ATP2C1: variants seen among roughly 807,000 people sequenced by gnomAD.
ATP2C1 encodes ATPase secretory pathway Ca2+ transporting 1, also known as calcium-transporting ATPase type 2C member 1.
In ATP2C1, 31 loss-of-function variants were observed where a neutral mutation model predicts 120.5. That is an observed-to-expected ratio of 0.26 (90% confidence interval 0.19 to 0.35). The LOEUF is 0.35. ATP2C1 is among the 10% of genes least tolerant of loss of function. The pLI, the probability that ATP2C1 is intolerant of heterozygous loss-of-function variation, is 1.00. For missense variants in ATP2C1, 731 were observed against 1,107.5 expected (o/e 0.66, Z 4.83); for synonymous variants, 351 against 358.7 (o/e 0.98, Z 0.24).
At chr3:130,987,295 G>C (rs1039915837) in intron 20 of ATP2C1, among the ~76,000 whole-genome samples, 1 of 151,752 alleles carries the variant, frequency 6.6e-6, no homozygotes, top group African/African-American at 2.4e-5. Flanking sequence ...ACTGCACGTA[G>C]CCTCGTCTTC....
Position 130,980,694 on chromosome 3 carries a change from A to T in ATP2C1, c.1839+15A>T, listed in dbSNP as rs764014701. ...TAGTACCAAAGGTAGGCCTAAACTA[A>T]AGCCTTTTGGACTGAAAGGCCTTAT... On this transcript the variant is annotated intron_variant, in intron 20 of 27. Coordinates refer to ENST00000510168, the MANE Select transcript of ATP2C1 (RefSeq NM_001378687.1). 2 of 1,591,000 alleles carry T rather than the reference A, an allele frequency of 1.3e-6. No individual in the cohort carries two copies. The highest frequency in any genetic ancestry group is 4.5e-5 in the East Asian group (2 of 44,640).
intron 2 of ATP2C1, 80 bp from the exon 3 acceptor site, chr3:130,930,335 AC>A (rs780746612): frequency 1.3e-5 from 12 of 903,028 alleles, no homozygotes; most frequent in Non-Finnish European, 2.2e-5. Context: ...GTTGCTGTGA[AC>A]TTTTGGATTT....
intron 17 of ATP2C1, among the ~76,000 whole-genome samples, chr3:130,971,125 A>G (rs187621785): frequency 1.4e-4 from 22 of 152,326 alleles, no homozygotes; most frequent in African/African-American, 5.3e-4. Flanking sequence ...TGGCAAGCAT[A>G]TGCATATGAC....
upstream of ATP2C1, among the ~76,000 whole-genome samples, chr3:130,893,489 G>GT (rs1262653608): frequency 4.6e-5 from 7 of 152,192 alleles, no homozygotes; most frequent in African/African-American, 1.7e-4. Flanking sequence ...TCAGTGCAGG[G>GT]TTTTGCAAGT....
At chr3:130,990,283 C>CCA (rs1240300062) in intron 20 of ATP2C1, among the ~76,000 whole-genome samples, 7 of 135,428 alleles carry the variant, frequency 5.2e-5, no homozygotes, top group African/African-American at 1.6e-4. Flanking sequence ...CCCCCCCCCC[C>CCA]ACAAAAAAAG....
chr3:130,940,534 TGGG>T, intron 6 of ATP2C1, 93 bp from the exon 7 acceptor site: 4 of 832,216 alleles, frequency 4.8e-6, no homozygotes, highest in South Asian at 1.5e-5. Context: ...AGATGAGAAT[TGGG>T]GGAAATTTTA....
chr3:131,007,805 T>C (rs2063172657), downstream of ATP2C1, among the ~76,000 whole-genome samples: 1 of 152,220 alleles, frequency 6.6e-6, no homozygotes, highest in Non-Finnish European at 1.5e-5. Context: ...GGTCTGCATC[T>C]TGCAGGCATA....
rs553935610 is a variant in ATP2C1 at position 130,991,478 on chromosome 3, C to T, written c.1840-1473C>T. Among the ~76,000 whole-genome samples the T allele has an allele frequency of 1.2e-3, 183 of 151,996 alleles. 2 individuals are homozygous for T. Among genetic ancestry groups the T allele is most frequent in the Non-Finnish European group, 1.7e-3 (118 of 68,010 alleles). On this transcript the variant is annotated intron_variant, in intron 20 of 27. Coordinates refer to ENST00000510168, the MANE Select transcript of ATP2C1 (RefSeq NM_001378687.1). ...CTCTGCTCCAAAAATCCTCCCCGTTCCTATATCAAAATTTTTTCCTTGCTG... is the reference window on the plus strand; with the variant it reads ...CTCTGCTCCAAAAATCCTCCCCGTTTCTATATCAAAATTTTTTCCTTGCTG...
chr3:130,851,289 A>G (rs755248134), intron 1 of ATP2C1, among the ~76,000 whole-genome samples: 5 of 152,254 alleles, frequency 3.3e-5, no homozygotes, highest in African/African-American at 4.8e-5. Flanking sequence ...CCCTAGAAGT[A>G]CACTTGTCTT....
intron 26 of ATP2C1, 62 bp downstream of exon 26, chr3:130,998,451 A>G: frequency 8.1e-7 from 1 of 1,227,986 alleles, no homozygotes; most frequent in South Asian, 1.2e-5. Flanking sequence ...GTGCTTTCTA[A>G]TAAGTAGGCA....
At chr3:130,911,164 G>A (rs1317970348) in intron 2 of ATP2C1, among the ~76,000 whole-genome samples, 2 of 139,206 alleles carry the variant, frequency 1.4e-5, no homozygotes, top group Admixed American at 7.2e-5. Context: ...ACTTCTTCCT[G>A]GTTTAGTCTT....
intron 1 of ATP2C1, among the ~76,000 whole-genome samples, chr3:130,851,864 T>C (rs1019143437): frequency 5.3e-5 from 8 of 152,176 alleles, no homozygotes; most frequent in African/African-American, 1.9e-4. Flanking sequence ...GTGTCCTGTA[T>C]TTTTTTCTCC....
chr3:130,884,704 AT>A (rs1212914284), intron 1 of ATP2C1, among the ~76,000 whole-genome samples: 1 of 152,172 alleles, frequency 6.6e-6, no homozygotes, highest in Non-Finnish European at 1.5e-5. Context: ...ATACATATTT[AT>A]AATTGTTATA....
intron 2 of ATP2C1, among the ~76,000 whole-genome samples, chr3:130,905,991 C>T (rs1002446888): frequency 5.3e-5 from 8 of 151,990 alleles, no homozygotes; most frequent in Non-Finnish European, 7.4e-5. Context: ...GTTTTAGACC[C>T]GGAGCCACCT....
rs531518564 is a variant in ATP2C1, at chr3:130,930,660, A to G, written c.117+134A>G. 3.2e-4 allele frequency: 230 copies of G among 712,886 alleles called. 3 individuals are homozygous for G. Among genetic ancestry groups the G allele is most frequent in the South Asian group, 2.9e-3 (190 of 66,386 alleles). 44.2% of individuals were successfully genotyped at this position (712,886 alleles called of 1,614,324 possible). On this transcript the variant is annotated intron_variant, in intron 3 of 27. Transcript: ENST00000510168. ...TTCTGTGCCATTCAGCATAGTAGCC[A>G]CAAGTTGAACAGGACTGTTGAGCTT...
intron 17 of ATP2C1, among the ~76,000 whole-genome samples, chr3:130,971,814 G>A (rs1413601509): frequency 6.6e-6 from 1 of 152,154 alleles, no homozygotes; most frequent in Non-Finnish European, 1.5e-5. Flanking sequence ...TAAGAGTAGA[G>A]GGTAGGATTA....
chr3:130,860,290 C>A (rs1267045724), intron 1 of ATP2C1, among the ~76,000 whole-genome samples: 1 of 152,118 alleles, frequency 6.6e-6, no homozygotes, highest in Non-Finnish European at 1.5e-5. Context: ...AGTCCCATGT[C>A]TTGACAGAAA....
intron 2 of ATP2C1, among the ~76,000 whole-genome samples, chr3:130,904,139 G>A (rs536217409): frequency 8.6e-5 from 13 of 151,982 alleles, no homozygotes; most frequent in African/African-American, 2.9e-4. Context: ...TACATAAAAG[G>A]TATAAAAATA....
intron 19 of ATP2C1, 126 bp downstream of exon 19, chr3:130,979,545 C>T: frequency 9.3e-7 from 1 of 1,078,448 alleles, no homozygotes. Flanking sequence ...GAAATCGACT[C>T]ATGGTTTTGC....
Sources: allele counts gnomAD v4.1 joint callset (sites outside exome capture counted in the v4.1 genomes callset), GRCh38; gene constraint gnomAD v4.1.1; transcripts MANE v1.5; gene names NCBI Gene and HGNC (gene_info 2026-07-23, HGNC 2026-07-21).